Variants in TACC1 observed in about 807,000 individuals in gnomAD.
TACC1 encodes the protein transforming acidic coiled-coil-containing protein 1.
TACC1 carries 48 observed loss-of-function variants against 84.4 expected under a neutral mutation model. That is an observed-to-expected ratio of 0.57 (90% CI 0.45 to 0.72). The LOEUF (loss-of-function observed/expected upper bound fraction) is 0.72, where lower values mean the gene tolerates loss of function less well. Among genes scored for constraint, TACC1 ranks in the 30% least tolerant of loss-of-function variants. The pLI is 0.00. For missense variants in TACC1, 920 were observed against 973.0 expected, an observed-to-expected ratio of 0.95 and a Z score of 0.72; for synonymous variants, 372 against 376.3, an observed-to-expected ratio of 0.99 and a Z score of 0.13.
intron 7 of TACC1, among the ~76,000 whole-genome samples, chr8:38,837,371 C>T (rs759766777): frequency 2.0e-4 from 30 of 151,814 alleles, no homozygotes; most frequent in Non-Finnish European, 3.7e-4. Flanking sequence ...TGTGGTGAGC[C>T]GAGATCGCAC....
rs1014080074 is a variant in TACC1, at chr8:38,849,283, T to C, written c.*1260T>C. ...TGAGAAGAGGAGTGCAAGGAGAAGG[T>C]CTGTACTAACAAAGCCAAATTCCTC... On this transcript the variant is annotated 3_prime_UTR_variant, in exon 13 of 13. Transcript: ENST00000317827. 1.3e-5 allele frequency: 2 copies of C among 152,154 alleles called. No homozygotes were observed. Among genetic ancestry groups the C allele is most frequent in the Non-Finnish European group, 2.9e-5 (2 of 68,030 alleles). 9.4% of individuals were successfully genotyped at this position (152,154 alleles called of 1,614,324 possible).
Position 38,788,785 on chromosome 8 carries a change from A to C in TACC1, c.243A>C (p.Ser81=), listed in dbSNP as rs1433106824. The C allele has an allele frequency of 6.2e-7, 1 of 1,613,438 alleles. No individual in the cohort carries two copies. Among genetic ancestry groups the C allele is most frequent in the Non-Finnish European group, 8.5e-7 (1 of 1,179,748 alleles). ...CTTTCAAGGAGTCCTGTGATCCATC[A>C]CTCGGATTGGCAGGACCTGGGGCCA... ...RSPFKESCDP[S]LGLAGPGAKS... The change falls in exon 2 of 13, where the codon TCA becomes TCC. Residue 81 remains serine (S), a synonymous_variant. Transcript: ENST00000317827.
In TACC1 at chr8:38,787,631, T is replaced by C; in HGVS notation, c.49T>C (p.Trp17Arg). The C allele has an allele frequency of 6.5e-7, 1 of 1,548,512 alleles. No individual in the cohort carries two copies. The highest frequency in any genetic ancestry group is 1.2e-5 in the South Asian group (1 of 84,376). The change falls in exon 1 of 13, where the codon TGG (tryptophan) becomes CGG (arginine). Residue 17 changes from tryptophan to arginine, a missense_variant. Physicochemically the swap from Trp to Arg is moderately radical, Grantham distance 101 (BLOSUM62 -3). This residue lies in a region of TACC1 where 762 missense variants were observed against 747.3 expected (regional missense o/e 1.02). Transcript: ENST00000317827. ...QILSPVQWAK[W>R]TWSAVRGGAA... is the part of the protein sequence containing the mutation. ...CCTGTCCCCCGTGCAGTGGGCGAAA[T>C]GGACGTGGTCTGCGGTACGCGGCGG...
chr8:38,751,190 T>G (rs1045037311), intron 3 of TACC1, among the ~76,000 whole-genome samples: 1 of 136,678 alleles, frequency 7.3e-6, no homozygotes, highest in Non-Finnish European at 1.7e-5. Flanking sequence ...TTGGGATGAT[T>G]GCTAAGGGAA....
At chr8:38,803,489 A>G (rs1006016629) in intron 2 of TACC1, among the ~76,000 whole-genome samples, 6 of 152,028 alleles carry the variant, frequency 3.9e-5, no homozygotes, top group African/African-American at 1.4e-4. Context: ...GGATTTTGTC[A>G]AATGCTTTTT....
intron 2 of TACC1, among the ~76,000 whole-genome samples, chr8:38,818,770 G>T (rs1825996073): frequency 6.6e-6 from 1 of 150,712 alleles, no homozygotes; most frequent in South Asian, 2.1e-4. Flanking sequence ...CTGTTCTGTG[G>T]ATACATGGCT....
chr8:38,763,456 C>T lies in TACC1; in HGVS notation c.26+17963C>T, dbSNP rs1032967430. Among the ~76,000 whole-genome samples, 5 of 152,260 alleles carry T rather than the reference C, an allele frequency of 3.3e-5. No homozygotes were observed. In the South Asian group the frequency reaches 8.3e-4, roughly 25 times the overall value. On this transcript the variant is annotated intron_variant, in intron 3 of 14. Transcript: ENST00000518415. ...ACAGGTGTGAGCCACCATGCCCGGC[C>T]TCATTTTGTTTTAGCATAAACAAGA...
Position 38,742,119 on chromosome 8 carries a change from A to G in TACC1, c.-674-232A>G, listed in dbSNP as rs1035445980. Among the ~76,000 whole-genome samples the G allele has an allele frequency of 5.9e-5, 9 of 152,298 alleles. No homozygotes were observed. The East Asian group carries it at 1.5e-3, about 26-fold the overall frequency. On this transcript the variant is annotated intron_variant, in intron 1 of 14. Transcript: ENST00000518415. ...ATGAGTTCTCTTCTGGAAACCACCT[A>G]CTGATTATAGGTGACAGTTGCATCA...
chr8:38,735,049 C>T (rs527430965), intron 1 of TACC1, among the ~76,000 whole-genome samples: 8 of 152,350 alleles, frequency 5.3e-5, no homozygotes, highest in South Asian at 4.1e-4. Context: ...TGCAAGGATA[C>T]GTCATGGAAA....
In TACC1 at chr8:38,846,839, C is replaced by G. The variant is rs1211666741; in HGVS notation, c.2349+20C>G. 11 of 1,612,984 alleles carry G rather than the reference C, an allele frequency of 6.8e-6. No homozygotes were observed. The highest frequency in any genetic ancestry group is 5.5e-5 in the South Asian group (5 of 90,942). ...CAGAAGGTACAGAAAGGGACCTGAT[C>G]TGGGTGGCCACAGAGACGTTTGGTT... On this transcript the variant is annotated intron_variant, in intron 12 of 12. Transcript: ENST00000317827.
At chr8:38,787,986 C>T in intron 1 of TACC1, 2 of 506,532 alleles carry the variant, frequency 3.9e-6, no homozygotes, top group Non-Finnish European at 6.9e-6. Flanking sequence ...GCAGTCTCTC[C>T]GCATCCCCGC....
At chr8:38,809,213 C>A (rs1823486598) in intron 2 of TACC1, among the ~76,000 whole-genome samples, 1 of 152,064 alleles carries the variant, frequency 6.6e-6, no homozygotes, top group East Asian at 1.9e-4. Context: ...TCTCTTGATT[C>A]CCAGCTGCTT....
Position 38,850,144 on chromosome 8 carries a change from G to A in TACC1, c.*2121G>A, listed in dbSNP as rs1832894004. 1 of 152,588 alleles carries A rather than the reference G, an allele frequency of 6.6e-6. No individual in the cohort carries two copies. The allele number at this position is 152,588 out of a possible 1,614,324, so 9.5% of individuals were successfully genotyped here. Reference sequence around the variant, plus strand: ...CAGAGGTGATGGCAGCCCTTCCCTAGCACACTGGTGGAAGAGACCCCTTAA... The same window carrying A: ...CAGAGGTGATGGCAGCCCTTCCCTAACACACTGGTGGAAGAGACCCCTTAA... On this transcript the variant is annotated 3_prime_UTR_variant, in exon 13 of 13. Transcript: ENST00000317827.
At chr8:38,766,905 G>A (rs1379649840) in intron 3 of TACC1, among the ~76,000 whole-genome samples, 2 of 152,190 alleles carry the variant, frequency 1.3e-5, no homozygotes, top group Non-Finnish European at 2.9e-5. Flanking sequence ...GGAGGCTTCT[G>A]TTTATCTACT....
chr8:38,802,153 T>A (rs940267999), intron 2 of TACC1: 8 of 152,304 alleles, frequency 5.3e-5, no homozygotes, highest in African/African-American at 1.7e-4. Flanking sequence ...TAAGTCATCC[T>A]CCTGTCTGCT....
chr8:38,813,876 A>T (rs868032101), intron 2 of TACC1, among the ~76,000 whole-genome samples: 1 of 152,188 alleles, frequency 6.6e-6, no homozygotes, highest in Admixed American at 6.5e-5. Flanking sequence ...CACTAGCTCA[A>T]ATATGTATAC....
intron 2 of TACC1, among the ~76,000 whole-genome samples, chr8:38,791,501 A>G (rs940061822): frequency 2.0e-5 from 3 of 152,330 alleles, no homozygotes; most frequent in South Asian, 4.1e-4. Context: ...AGTACCGCCA[A>G]TGGCCTTGTC....
intron 3 of TACC1, among the ~76,000 whole-genome samples, chr8:38,747,305 C>T (rs561544544): frequency 1.5e-4 from 23 of 152,244 alleles, no homozygotes; most frequent in Admixed American, 4.6e-4. Flanking sequence ...CAGTTTCTTG[C>T]AAAACGAAAC....
chr8:38,783,675 C>A (rs913833869), upstream of TACC1, among the ~76,000 whole-genome samples: 4 of 152,184 alleles, frequency 2.6e-5, no homozygotes, highest in Admixed American at 6.5e-5. Flanking sequence ...CCTGCCTTGG[C>A]CTCCCAAAGT....
Sources: allele counts gnomAD v4.1 joint callset (sites outside exome capture counted in the v4.1 genomes callset), GRCh38; gene constraint gnomAD v4.1.1; regional missense constraint gnomAD v4.1.1; transcripts MANE v1.5; gene names NCBI Gene and HGNC (gene_info 2026-07-23, HGNC 2026-07-21).